The following ERP44 variants were observed in gnomAD, a reference collection of about 807,000 sequenced individuals.
The protein encoded by ERP44 is endoplasmic reticulum resident protein 44.
A neutral mutation model predicts 53.4 loss-of-function variants in ERP44; 25 were observed. That is an observed-to-expected ratio of 0.47 (90% CI 0.34 to 0.65). The LOEUF (loss-of-function observed/expected upper bound fraction) is 0.65. Among genes scored for constraint, ERP44 ranks in the 30% least tolerant of loss-of-function variants. The pLI is 0.01. For synonymous variants in ERP44, 145 were observed against 161.2 expected, an observed-to-expected ratio of 0.90 and a Z score of 0.76; for missense variants, 338 against 493.2, an observed-to-expected ratio of 0.69 and a Z score of 2.98.
intron 4 of ERP44, among the ~76,000 whole-genome samples, chr9:100,041,860 G>A (rs1460011631): frequency 6.6e-6 from 1 of 152,166 alleles, no homozygotes; most frequent in Admixed American, 6.6e-5. Flanking sequence ...ATATGCAGAA[G>A]AATGAAACTA....
At chr9:100,007,749 T>G in intron 8 of ERP44, 60 bp from the exon 9 acceptor site, 2 of 941,584 alleles carry the variant, frequency 2.1e-6, no homozygotes, top group South Asian at 1.3e-5. Context: ...GTAGCTATTT[T>G]CTAGGTAGGA....
chr9:99,982,771 T>C, intron 11 of ERP44, 58 bp from the exon 12 acceptor site: 1 of 1,113,076 alleles, frequency 9.0e-7, no homozygotes. Context: ...GCTATAATAT[T>C]TTAATAAGTG....
At chr9:100,081,374 T>C (rs1002969533) in intron 1 of ERP44, among the ~76,000 whole-genome samples, 3 of 152,126 alleles carry the variant, frequency 2.0e-5, no homozygotes, top group African/African-American at 7.2e-5. Flanking sequence ...CAATTTACAA[T>C]GACAGTGTAA....
At chr9:100,004,766 T>C (rs1830411088) in intron 10 of ERP44, among the ~76,000 whole-genome samples, 1 of 152,198 alleles carries the variant, frequency 6.6e-6, no homozygotes, top group South Asian at 2.1e-4. Context: ...TCCTTAGCTC[T>C]TGTGAAGGTA....
chr9:100,068,886 G>A (rs1044799520), intron 1 of ERP44, among the ~76,000 whole-genome samples: 1 of 152,222 alleles, frequency 6.6e-6, no homozygotes, highest in Non-Finnish European at 1.5e-5. Context: ...AAAACGGATG[G>A]TTGCCGTGTC....
intron 10 of ERP44, among the ~76,000 whole-genome samples, chr9:99,991,758 T>C (rs1416536928): frequency 1.3e-5 from 2 of 152,016 alleles, no homozygotes; most frequent in Admixed American, 6.6e-5. Context: ...ACAAAATTGA[T>C]AGACTGCTAG....
At chr9:100,066,162 A>G (rs1392034572) in intron 1 of ERP44, among the ~76,000 whole-genome samples, 2 of 152,238 alleles carry the variant, frequency 1.3e-5, no homozygotes, top group African/African-American at 4.8e-5. Context: ...TCTAGGAGCA[A>G]GCGTGTAAAT....
intron 9 of ERP44, among the ~76,000 whole-genome samples, chr9:100,007,146 C>T (rs1830431933): frequency 6.6e-6 from 1 of 152,250 alleles, no homozygotes; most frequent in South Asian, 2.1e-4. Flanking sequence ...AAGCTGGTGA[C>T]ACCTCAAATT....
intron 1 of ERP44, among the ~76,000 whole-genome samples, chr9:100,082,955 T>TTTG (rs1300459603): frequency 6.6e-6 from 1 of 152,128 alleles, no homozygotes; most frequent in African/African-American, 2.4e-5. Context: ...AATCTTGGAA[T>TTTG]GGAGAAGGAA....
intron 1 of ERP44, among the ~76,000 whole-genome samples, chr9:100,072,514 T>C (rs1364785725): frequency 6.6e-6 from 1 of 152,034 alleles, no homozygotes; most frequent in Non-Finnish European, 1.5e-5. Flanking sequence ...ACAAAAAAGT[T>C]CTCTAACTCT....
At chr9:100,042,633 GA>G (rs1825918178) in intron 4 of ERP44, among the ~76,000 whole-genome samples, 1 of 152,204 alleles carries the variant, frequency 6.6e-6, no homozygotes. Context: ...GCACTATTCA[GA>G]ACAGGCTAGA....
chr9:100,041,268 T>G (rs1825897596), intron 4 of ERP44, among the ~76,000 whole-genome samples: 1 of 151,204 alleles, frequency 6.6e-6, no homozygotes, highest in South Asian at 2.1e-4. Context: ...GGTATAGTAT[T>G]AGGTTGGCAC....
At chr9:100,021,087 T>C (rs1003696407) in intron 5 of ERP44, among the ~76,000 whole-genome samples, 6 of 152,206 alleles carry the variant, frequency 3.9e-5, no homozygotes, top group African/African-American at 1.4e-4. Flanking sequence ...GAGAGACTCC[T>C]CCATGGCTCT....
chr9:100,035,475 A>C (rs1297786067), intron 4 of ERP44, among the ~76,000 whole-genome samples: 2 of 152,334 alleles, frequency 1.3e-5, no homozygotes, highest in East Asian at 3.9e-4. Flanking sequence ...CAGGTGTTCA[A>C]GACCAGCCTA....
At chr9:100,021,961 G>A in intron 5 of ERP44, 81 bp downstream of exon 5, 2 of 1,256,972 alleles carry the variant, frequency 1.6e-6, no homozygotes, top group Non-Finnish European at 2.3e-6. Context: ...ATAGGAGAAT[G>A]TCCAGATTTT....
At chr9:100,029,769 A>G (rs1825759949) in intron 4 of ERP44, among the ~76,000 whole-genome samples, 1 of 152,160 alleles carries the variant, frequency 6.6e-6, no homozygotes, top group South Asian at 2.1e-4. Flanking sequence ...AAATCAACCT[A>G]AGTGGCCATC....
rs776519393 is a variant in ERP44, at chr9:100,098,803, C to G, written c.38G>C (p.Arg13Thr). 1 of 1,613,994 alleles carries G rather than the reference C, an allele frequency of 6.2e-7. No homozygotes were observed. The highest frequency in any genetic ancestry group is 8.5e-7 in the Non-Finnish European group (1 of 1,179,898). ...PAVFLSLPDL[R>T]CSLLLLVTWV... ...ACTCACCAGGAGCAGAAGGGAGCAT[C>G]TGAGGTCGGGTAAGGATAGGAAGAC... The change falls in exon 1 of 12, where the codon AGA becomes ACA. Residue 13 changes from arginine to threonine, a missense_variant. This residue lies in a region of ERP44 where 224 missense variants were observed against 301.4 expected (regional missense o/e 0.74). Transcript: ENST00000262455.
intron 4 of ERP44, among the ~76,000 whole-genome samples, chr9:100,046,961 C>T (rs1825978166): frequency 6.6e-6 from 1 of 152,154 alleles, no homozygotes; most frequent in African/African-American, 2.4e-5. Flanking sequence ...AATAGACCCA[C>T]ACATACAGTG....
chr9:100,000,998 A>G (rs1327435005), intron 10 of ERP44, among the ~76,000 whole-genome samples: 1 of 152,078 alleles, frequency 6.6e-6, no homozygotes, highest in East Asian at 1.9e-4. Context: ...CTTCCTTCCT[A>G]AAACTATTTT....
Sources: allele counts gnomAD v4.1 joint callset (sites outside exome capture counted in the v4.1 genomes callset), GRCh38; gene constraint gnomAD v4.1.1; regional missense constraint gnomAD v4.1.1; transcripts MANE v1.5; gene names NCBI Gene and HGNC (gene_info 2026-07-23, HGNC 2026-07-21).